Variants in SYT16 observed in about 807,000 individuals in gnomAD.
SYT16 encodes synaptotagmin 16, also known as synaptotagmin-16.
In SYT16, 42 loss-of-function variants were observed where a neutral mutation model predicts 61.4. The observed-to-expected ratio is 0.68, with a 90% CI of 0.53 to 0.89. The LOEUF is 0.89. Among genes scored for constraint, SYT16 ranks in the 40% least tolerant of loss-of-function variants. SYT16 has a pLI of 0.00. For synonymous variants in SYT16, 314 were observed against 302.3 expected (o/e 1.04, Z -0.40); for missense variants, 804 against 807.3 (o/e 1.00, Z 0.05).
chr14:61,984,184 A>T (rs1162378667), intron 2 of SYT16, among the ~76,000 whole-genome samples: 1 of 152,166 alleles, frequency 6.6e-6, no homozygotes, highest in Admixed American at 6.5e-5. Flanking sequence ...TAAACAATTA[A>T]TGCCTATTAA....
At position 62,050,960 on chromosome 14, in the gene SYT16, A is replaced by G. The variant is rs547478075; in HGVS notation, c.524-18643A>G. 2.0e-5 allele frequency among the ~76,000 whole-genome samples: 3 copies of G among 152,196 alleles called. No homozygotes were observed. The South Asian group carries it at 6.2e-4, about 32-fold the overall frequency. On this transcript the variant is annotated intron_variant, in intron 3 of 7. Transcript: ENST00000683842. ...GGCAGTCTGTCCGTTCTCAGATCTC[A>G]AGCTGCGTGCTGGGAGAACCACTAC... is the stretch of plus-strand genomic sequence containing the variant.
intron 1 of SYT16, among the ~76,000 whole-genome samples, chr14:61,902,822 T>A (rs1319571028): frequency 6.6e-6 from 1 of 152,218 alleles, no homozygotes; most frequent in Non-Finnish European, 1.5e-5. Flanking sequence ...GAGAGCCAAG[T>A]GCAATTGGTT....
chr14:61,984,936 T>C (rs969108046), intron 2 of SYT16, among the ~76,000 whole-genome samples: 5 of 152,146 alleles, frequency 3.3e-5, no homozygotes, highest in Non-Finnish European at 5.9e-5. Context: ...TATTCTTTGA[T>C]TGGGGTCACT....
chr14:61,915,183 A>G (rs892414926), intron 1 of SYT16, among the ~76,000 whole-genome samples: 2 of 152,110 alleles, frequency 1.3e-5, no homozygotes, highest in Non-Finnish European at 2.9e-5. Flanking sequence ...AACAAAATAT[A>G]TCTGCCTTTT....
chr14:62,050,262 A>T (rs1485093561), intron 3 of SYT16, among the ~76,000 whole-genome samples: 1 of 152,044 alleles, frequency 6.6e-6, no homozygotes, highest in Non-Finnish European at 1.5e-5. Context: ...AGTTGATGGC[A>T]TCAGCTGCTG....
At chr14:62,064,460 C>G (rs894981727) in intron 3 of SYT16, among the ~76,000 whole-genome samples, 3 of 151,086 alleles carry the variant, frequency 2.0e-5, no homozygotes, top group African/African-American at 7.3e-5. Context: ...GTGGGCAAAT[C>G]ACTTCAGCTT....
At chr14:61,942,768 G>C (rs1227938600) in intron 1 of SYT16, among the ~76,000 whole-genome samples, 1 of 152,080 alleles carries the variant, frequency 6.6e-6, no homozygotes, top group Non-Finnish European at 1.5e-5. Context: ...TTGTGTTCTA[G>C]GGTATTCTGG....
intron 1 of SYT16, among the ~76,000 whole-genome samples, chr14:61,863,444 A>AT (rs1297711268): frequency 6.6e-6 from 1 of 152,142 alleles, no homozygotes; most frequent in Non-Finnish European, 1.5e-5. Flanking sequence ...TCTTTGGCCC[A>AT]TTTTTCAATC....
At chr14:61,872,998 G>A (rs905006646) in intron 1 of SYT16, among the ~76,000 whole-genome samples, 2 of 152,084 alleles carry the variant, frequency 1.3e-5, no homozygotes, top group African/African-American at 4.8e-5. Context: ...TTCATAGGTA[G>A]GATGTATCCA....
intron 1 of SYT16, among the ~76,000 whole-genome samples, chr14:61,824,455 C>G (rs2045710676): frequency 6.6e-6 from 1 of 152,118 alleles, no homozygotes; most frequent in South Asian, 2.1e-4. Flanking sequence ...CGGGTTCACA[C>G]CATTCTCCTG....
intron 4 of SYT16, among the ~76,000 whole-genome samples, chr14:62,071,562 G>A (rs1467776012): frequency 6.6e-6 from 1 of 152,164 alleles, no homozygotes; most frequent in East Asian, 1.9e-4. Flanking sequence ...ATAGCCACAT[G>A]CCAAACTTTA....
In SYT16 at chr14:61,849,607, A is replaced by T. The variant is rs145163706; in HGVS notation, c.-325+36797A>T. On this transcript the variant is annotated intron_variant, in intron 1 of 7. Coordinates refer to ENST00000683842, the MANE Select transcript of SYT16 (RefSeq NM_001367656.1). ...TTTCTGCTGTGATAGGGCAGCACTG[A>T]GTTCCAATGCAAAGTCCCACAATCA... Among the ~76,000 whole-genome samples, 283 of 152,204 alleles carry T rather than the reference A, an allele frequency of 1.9e-3. 7 individuals carry two copies. In the East Asian group the frequency reaches 0.045, roughly 24 times the overall value.
intron 1 of SYT16, among the ~76,000 whole-genome samples, chr14:61,868,677 G>T (rs1298404842): frequency 2.3e-4 from 35 of 151,980 alleles, no homozygotes; most frequent in Admixed American, 2.3e-3. Context: ...TGTATGAGAT[G>T]ATTCCTTTTA....
At chr14:61,953,410 C>A (rs1249565854) in intron 1 of SYT16, among the ~76,000 whole-genome samples, 2 of 152,070 alleles carry the variant, frequency 1.3e-5, no homozygotes, top group African/African-American at 2.4e-5. Flanking sequence ...ACTTCAACCT[C>A]CATATAATGC....
chr14:62,040,527 G>A (rs902907703), intron 3 of SYT16, among the ~76,000 whole-genome samples: 3 of 152,086 alleles, frequency 2.0e-5, no homozygotes, highest in African/African-American at 7.2e-5. Context: ...TTGCAGGTCT[G>A]ACAGTGATGA....
At chr14:62,089,619 G>A (rs2057006219) in intron 7 of SYT16, among the ~76,000 whole-genome samples, 1 of 152,194 alleles carries the variant, frequency 6.6e-6, no homozygotes, top group Admixed American at 6.5e-5. Flanking sequence ...TACGGTAGCA[G>A]CATGAACTTA....
chr14:61,831,407 AT>A (rs2045930752), intron 1 of SYT16, among the ~76,000 whole-genome samples: 2 of 152,170 alleles, frequency 1.3e-5, no homozygotes, highest in Admixed American at 1.3e-4. Context: ...CCTCCGGTTG[AT>A]TTTAAGAATT....
chr14:62,028,623 G>A (rs146724170), intron 3 of SYT16, among the ~76,000 whole-genome samples: 75 of 152,248 alleles, frequency 4.9e-4, no homozygotes, highest in African/African-American at 1.7e-3. Flanking sequence ...TGTCAAAGTA[G>A]GATTAAGGTT....
chr14:62,052,822 C>T (rs1382118549), intron 3 of SYT16, among the ~76,000 whole-genome samples: 1 of 152,154 alleles, frequency 6.6e-6, no homozygotes, highest in Non-Finnish European at 1.5e-5. Flanking sequence ...GAAGAGGGCC[C>T]TCACCAGAGC....
Sources: allele counts gnomAD v4.1 joint callset (sites outside exome capture counted in the v4.1 genomes callset), GRCh38; gene constraint gnomAD v4.1.1; transcripts MANE v1.5; gene names NCBI Gene and HGNC (gene_info 2026-07-23, HGNC 2026-07-21).